TTC28: variants seen among roughly 807,000 people sequenced by gnomAD.
TTC28 encodes tetratricopeptide repeat protein 28.
Under a neutral mutation model 198.0 loss-of-function variants are expected in TTC28, and 61 were observed. The ratio of observed to expected loss-of-function variants is 0.31; its 90% CI spans 0.25 to 0.38. TTC28 has a LOEUF of 0.38. TTC28 is among the 10% of genes least tolerant of loss of function. The pLI is 1.00. For synonymous variants in TTC28, 1,171 were observed against 1,297.8 expected, an observed-to-expected ratio of 0.90 and a Z score of 2.10; for missense variants, 2,678 against 3,164.0, an observed-to-expected ratio of 0.85 and a Z score of 3.69.
At chr22:28,598,107 A>G (rs1354675967) in intron 2 of TTC28, among the ~76,000 whole-genome samples, 1 of 152,072 alleles carries the variant, frequency 6.6e-6, no homozygotes, top group East Asian at 1.9e-4. Context: ...TCCAGATCTC[A>G]GTTTTCTTGA....
chr22:28,294,108 G>C (rs1184072082), intron 5 of TTC28, among the ~76,000 whole-genome samples: 1 of 152,180 alleles, frequency 6.6e-6, no homozygotes, highest in African/African-American at 2.4e-5. Context: ...CAGCCCTGGA[G>C]TCTATTACTT....
At chr22:28,335,983 G>A (rs922985636) in intron 2 of TTC28, among the ~76,000 whole-genome samples, 65 of 152,234 alleles carry the variant, frequency 4.3e-4, no homozygotes, top group Non-Finnish European at 8.5e-4. Context: ...GTTTGTCATA[G>A]ATAGCTCTTA....
At chr22:28,345,639 G>A (rs1259927794) in intron 2 of TTC28, among the ~76,000 whole-genome samples, 1 of 152,104 alleles carries the variant, frequency 6.6e-6, no homozygotes. Context: ...CTGATGCTCT[G>A]GTTACAAAGA....
At chr22:28,622,889 T>G (rs2051022337) in intron 2 of TTC28, among the ~76,000 whole-genome samples, 1 of 151,918 alleles carries the variant, frequency 6.6e-6, no homozygotes, top group South Asian at 2.1e-4. Context: ...TGGCACAATC[T>G]CGGCTCACTG....
Position 28,374,074 on chromosome 22 carries a change from A to C in TTC28, c.382-67431T>G, listed in dbSNP as rs948282907. Among the ~76,000 whole-genome samples, 8 of 152,188 alleles carry C rather than the reference A, an allele frequency of 5.3e-5. No individual in the cohort carries two copies. In the South Asian group the frequency reaches 6.2e-4, roughly 12 times the overall value. On this transcript the variant is annotated intron_variant, in intron 2 of 22. Transcript: ENST00000397906. ...TAGAATCTACTAGAGGAATTGCTATAACTTCCTTGAAATTGGCAAGTAGCA... is the reference window on the plus strand; with the variant it reads ...TAGAATCTACTAGAGGAATTGCTATCACTTCCTTGAAATTGGCAAGTAGCA...
intron 5 of TTC28, among the ~76,000 whole-genome samples, chr22:28,244,380 C>T (rs1388019377): frequency 1.3e-5 from 2 of 152,300 alleles, no homozygotes; most frequent in South Asian, 2.1e-4. Context: ...AGCTACCCTT[C>T]GTCTCCTTTC....
rs1163692202 is a variant in TTC28 at position 28,105,571 on chromosome 22, G to A, written c.3015C>T (p.Gly1005=). 15 of 1,551,544 alleles carry A rather than the reference G, an allele frequency of 9.7e-6. No individual in the cohort carries two copies. The highest frequency in any genetic ancestry group is 2.4e-5 in the East Asian group (1 of 40,924). ...CATACTCCCCCATCTGCTGGTAAAC[G>A]CCCCCCAGGCCACAGGCTGCGTCAC... ...LESDAACGLG[G]VYQQMGEYDT... The change falls in exon 8 of 23, where the codon GGC becomes GGT. Residue 1005 remains glycine, a synonymous_variant. Coordinates refer to ENST00000397906, the MANE Select transcript of TTC28 (RefSeq NM_001145418.2).
intron 16 of TTC28, among the ~76,000 whole-genome samples, chr22:27,996,777 G>A (rs1418802968): frequency 6.6e-6 from 1 of 152,178 alleles, no homozygotes; most frequent in African/African-American, 2.4e-5. Flanking sequence ...CAGGGCCTGG[G>A]GGAGCAGGTT....
chr22:28,621,893 G>A (rs886157910), intron 2 of TTC28, among the ~76,000 whole-genome samples: 4 of 152,190 alleles, frequency 2.6e-5, no homozygotes, highest in Non-Finnish European at 4.4e-5. Context: ...AATGAACCTA[G>A]TGGGAGAACT....
intron 2 of TTC28, among the ~76,000 whole-genome samples, chr22:28,558,059 A>C (rs1256784560): frequency 6.6e-6 from 1 of 152,152 alleles, no homozygotes; most frequent in Non-Finnish European, 1.5e-5. Flanking sequence ...TTTGATAAAC[A>C]TTGTATAATT....
At chr22:28,673,305 C>T (rs1250318172) in intron 1 of TTC28, among the ~76,000 whole-genome samples, 3 of 152,038 alleles carry the variant, frequency 2.0e-5, no homozygotes, top group African/African-American at 4.8e-5. Flanking sequence ...ACCCAGAAGG[C>T]GGAGCTTGCA....
chr22:28,042,607 G>A (rs761609353), intron 12 of TTC28, among the ~76,000 whole-genome samples: 4 of 152,112 alleles, frequency 2.6e-5, no homozygotes, highest in African/African-American at 7.2e-5. Flanking sequence ...AGGAGGGAGA[G>A]CATTAGGAGA....
At chr22:28,329,257 A>G (rs1289486864) in intron 2 of TTC28, among the ~76,000 whole-genome samples, 1 of 152,226 alleles carries the variant, frequency 6.6e-6, no homozygotes, top group Non-Finnish European at 1.5e-5. Flanking sequence ...GCATGCAGAC[A>G]CAAAGCTTAA....
At chr22:28,498,051 T>A (rs769353468) in intron 2 of TTC28, among the ~76,000 whole-genome samples, 35 of 151,318 alleles carry the variant, frequency 2.3e-4, no homozygotes, top group Non-Finnish European at 4.7e-4. Flanking sequence ...AACGACAGAG[T>A]AGCCACGGTT....
intron 2 of TTC28, among the ~76,000 whole-genome samples, chr22:28,468,131 A>G (rs573552162): frequency 6.6e-6 from 1 of 152,224 alleles, no homozygotes; most frequent in African/African-American, 2.4e-5. Context: ...CTATGAAAAT[A>G]TGATCATAAG....
rs371406983 is a variant in TTC28, at chr22:28,605,628, T to C, written c.381+23924A>G. ...GGTATAGAAGTAACTGCACTTCCCC[T>C]GCTAGAACCACCAAACAAGGGCTAA... On this transcript the variant is annotated intron_variant, in intron 2 of 22. Coordinates refer to ENST00000397906, the MANE Select transcript of TTC28 (RefSeq NM_001145418.2). Among the ~76,000 whole-genome samples the C allele has an allele frequency of 1.1e-4, 16 of 152,344 alleles. No individual in the cohort carries two copies. In the East Asian group the frequency reaches 2.7e-3, roughly 26 times the overall value.
At chr22:28,047,110 G>A (rs925309412) in intron 12 of TTC28, among the ~76,000 whole-genome samples, 4 of 152,162 alleles carry the variant, frequency 2.6e-5, no homozygotes, top group East Asian at 3.9e-4. Flanking sequence ...AGCCCCTTTC[G>A]GAGAGGAGTG....
At chr22:28,391,306 G>A (rs1185208713) in intron 2 of TTC28, among the ~76,000 whole-genome samples, 3 of 152,112 alleles carry the variant, frequency 2.0e-5, no homozygotes, top group Non-Finnish European at 2.9e-5. Context: ...TGGTGAATCT[G>A]ACAATTATGT....
chr22:28,515,989 T>C (rs1006014594), intron 2 of TTC28, among the ~76,000 whole-genome samples: 2 of 151,842 alleles, frequency 1.3e-5, no homozygotes, highest in African/African-American at 2.4e-5. Context: ...TACTAAAAAA[T>C]ACAAAAATTA....
Sources: gnomAD v4.1 joint callset for allele counts (sites outside exome capture counted in the v4.1 genomes callset) on GRCh38, gnomAD v4.1.1 for gene constraint, MANE v1.5 for transcripts, NCBI Gene and HGNC (gene_info 2026-07-23, HGNC 2026-07-21) for gene names.